The following EYA4 variants were observed in gnomAD, a reference collection of about 807,000 sequenced individuals.
EYA4 encodes the protein EYA transcriptional coactivator and phosphatase 4, also known as protein phosphatase EYA4.
Under a neutral mutation model 87.9 loss-of-function variants are expected in EYA4, and 31 were observed. That is an observed-to-expected ratio of 0.35 (90% CI 0.27 to 0.48). The LOEUF is 0.48. EYA4 is among the 20% of genes least tolerant of loss of function. EYA4 has a pLI of 0.99. For synonymous variants in EYA4, 263 were observed against 270.6 expected (o/e 0.97, Z 0.28); for missense variants, 678 against 761.4 (o/e 0.89, Z 1.29).
At chr6:133,473,882 C>T (rs149623937) in intron 11 of EYA4, among the ~76,000 whole-genome samples, 6 of 152,064 alleles carry the variant, frequency 3.9e-5, no homozygotes, top group Non-Finnish European at 8.8e-5. Context: ...GCGCCTTACT[C>T]ATTAGCCCCA....
At chr6:133,408,896 G>A (rs911319531) in intron 3 of EYA4, among the ~76,000 whole-genome samples, 2 of 152,118 alleles carry the variant, frequency 1.3e-5, no homozygotes, top group African/African-American at 4.8e-5. Flanking sequence ...GGAGGTGTGT[G>A]GTCACTTTTA....
chr6:133,485,742 A>AACTT (rs1320095085), intron 13 of EYA4, among the ~76,000 whole-genome samples: 1 of 152,204 alleles, frequency 6.6e-6, no homozygotes, highest in East Asian at 1.9e-4. Flanking sequence ...CAAGAGGTAA[A>AACTT]ACTTAAGAAA....
At chr6:133,319,158 C>T (rs1454468917) in intron 2 of EYA4, among the ~76,000 whole-genome samples, 1 of 152,194 alleles carries the variant, frequency 6.6e-6, no homozygotes, top group Non-Finnish European at 1.5e-5. Context: ...TAAAACCTCT[C>T]TTCACTGCTA....
intron 2 of EYA4, among the ~76,000 whole-genome samples, chr6:133,318,372 C>G (rs1350401104): frequency 6.6e-6 from 1 of 152,148 alleles, no homozygotes; most frequent in Admixed American, 6.5e-5. Flanking sequence ...TTGATGTAAA[C>G]ATTTTTCTGG....
At chr6:133,380,498 C>G (rs1026957045) in intron 2 of EYA4, among the ~76,000 whole-genome samples, 5 of 152,086 alleles carry the variant, frequency 3.3e-5, no homozygotes, top group Non-Finnish European at 7.4e-5. Flanking sequence ...CTTTCAGTTG[C>G]GAGCATATGT....
intron 7 of EYA4, 153 bp from the exon 8 acceptor site, chr6:133,462,182 C>T (rs1272080633): frequency 1.1e-6 from 1 of 902,172 alleles, no homozygotes; most frequent in Non-Finnish European, 1.8e-6. Context: ...GAGCTCCTGA[C>T]ATTCAGACTG....
chr6:133,399,762 A>C (rs1164241973), intron 3 of EYA4, among the ~76,000 whole-genome samples: 1 of 152,236 alleles, frequency 6.6e-6, no homozygotes, highest in East Asian at 1.9e-4. Context: ...CATTACAAAG[A>C]TAAATTGGCA....
chr6:133,436,221 A>AG (rs1289599918), intron 3 of EYA4, among the ~76,000 whole-genome samples: 3 of 149,996 alleles, frequency 2.0e-5, no homozygotes, highest in Admixed American at 6.6e-5. Context: ...CTCCGTCTTG[A>AG]GGAAAAAAAA....
chr6:133,496,056 T>C (rs184367802), intron 13 of EYA4, among the ~76,000 whole-genome samples: 2 of 152,338 alleles, frequency 1.3e-5, no homozygotes, highest in African/African-American at 4.8e-5. Context: ...CCTCTATAAC[T>C]AAGTTTAATC....
At chr6:133,521,050 A>C (rs1291409175) in intron 17 of EYA4, among the ~76,000 whole-genome samples, 1 of 151,662 alleles carries the variant, frequency 6.6e-6, no homozygotes, top group Non-Finnish European at 1.5e-5. Flanking sequence ...GGACATAGGC[A>C]TGGGCAAGGA....
intron 2 of EYA4, among the ~76,000 whole-genome samples, chr6:133,277,973 G>C (rs1777314630): frequency 6.6e-6 from 1 of 152,108 alleles, no homozygotes; most frequent in Non-Finnish European, 1.5e-5. Flanking sequence ...TTCTAGAGTT[G>C]TCTTCCTAAA....
chr6:133,443,642 A>G (rs1458778885), intron 3 of EYA4, among the ~76,000 whole-genome samples: 1 of 152,126 alleles, frequency 6.6e-6, no homozygotes, highest in Admixed American at 6.5e-5. Context: ...TTCTTTTCTA[A>G]TATAACCATT....
At chr6:133,473,370 G>A (rs1307195391) in intron 11 of EYA4, among the ~76,000 whole-genome samples, 1 of 151,996 alleles carries the variant, frequency 6.6e-6, no homozygotes, top group Non-Finnish European at 1.5e-5. Flanking sequence ...CATTTGACAA[G>A]CAGGACAAAT....
At chr6:133,461,840 C>T (rs1313744059) in intron 7 of EYA4, among the ~76,000 whole-genome samples, 1 of 143,888 alleles carries the variant, frequency 6.9e-6, no homozygotes, top group African/African-American at 2.6e-5. Context: ...AGGAAGCTTC[C>T]TACCTTTCTT....
At chr6:133,399,262 A>G (rs1788060317) in intron 3 of EYA4, among the ~76,000 whole-genome samples, 1 of 152,198 alleles carries the variant, frequency 6.6e-6, no homozygotes, top group African/African-American at 2.4e-5. Context: ...GAGCAAATAT[A>G]AATGATTCCT....
At chr6:133,243,721 G>A (rs975582492) in intron 1 of EYA4, among the ~76,000 whole-genome samples, 2 of 150,772 alleles carry the variant, frequency 1.3e-5, no homozygotes, top group African/African-American at 4.9e-5. Context: ...AAAAACTAGA[G>A]GGGGTGGGGA....
intron 13 of EYA4, among the ~76,000 whole-genome samples, chr6:133,488,385 G>A (rs1583434223): frequency 6.6e-6 from 1 of 152,110 alleles, no homozygotes; most frequent in East Asian, 1.9e-4. Context: ...CCTGCTGATT[G>A]TAGAGCCTTG....
intron 1 of EYA4, among the ~76,000 whole-genome samples, chr6:133,264,881 A>C (rs1370512231): frequency 6.6e-6 from 1 of 152,046 alleles, no homozygotes; most frequent in African/African-American, 2.4e-5. Flanking sequence ...CACCTAGAAG[A>C]AGTGCAGTGT....
At chr6:133,377,321 A>G (rs1785776564) in intron 2 of EYA4, among the ~76,000 whole-genome samples, 1 of 151,998 alleles carries the variant, frequency 6.6e-6, no homozygotes, top group African/African-American at 2.4e-5. Context: ...TCATAGTAAG[A>G]CTTTGAAATC....
Sources: gnomAD v4.1 joint callset for allele counts (sites outside exome capture counted in the v4.1 genomes callset) on GRCh38, gnomAD v4.1.1 for gene constraint, MANE v1.5 for transcripts, NCBI Gene and HGNC (gene_info 2026-07-23, HGNC 2026-07-21) for gene names.